Variants in HSD17B6 observed in about 807,000 individuals in gnomAD.
The protein encoded by HSD17B6 is hydroxysteroid 17-beta dehydrogenase 6.
HSD17B6 carries 16 observed loss-of-function variants against 26.4 expected under a neutral mutation model. That is an observed-to-expected ratio of 0.61 (90% confidence interval 0.41 to 0.92). HSD17B6 has a LOEUF of 0.92. Ranked by LOEUF, HSD17B6 falls within the 40% of genes least tolerant of loss-of-function variation. The probability of loss-of-function intolerance (pLI) is 0.00; values close to 1 mark genes in which losing one functional copy is unlikely to be tolerated. For missense variants in HSD17B6, 357 were observed against 386.1 expected (o/e 0.92, Z 0.63); for synonymous variants, 139 against 153.0 (o/e 0.91, Z 0.68).
intron 4 of HSD17B6, among the ~76,000 whole-genome samples, chr12:56,785,410 C>A (rs1478913172): frequency 6.6e-6 from 1 of 152,172 alleles, no homozygotes; most frequent in East Asian, 1.9e-4. Context: ...ATATCAGTAC[C>A]CTTGCATGAG....
chr12:56,768,881 T>G (rs543657919), intron 1 of HSD17B6, among the ~76,000 whole-genome samples: 87 of 152,028 alleles, frequency 5.7e-4, no homozygotes, highest in African/African-American at 1.8e-3. Flanking sequence ...ACATGGATGG[T>G]AAAGGCTTTG....
intron 2 of HSD17B6, among the ~76,000 whole-genome samples, chr12:56,777,679 TA>T (rs1195978752): frequency 3.9e-5 from 6 of 152,064 alleles, no homozygotes; most frequent in Admixed American, 3.9e-4. Context: ...GTAAATTTTT[TA>T]AAAAACAATT....
chr12:56,769,734 G>GT (rs1210892476), intron 1 of HSD17B6, among the ~76,000 whole-genome samples: 1 of 152,206 alleles, frequency 6.6e-6, no homozygotes, highest in Admixed American at 6.5e-5. Flanking sequence ...AAAACGTAAA[G>GT]TAATTGCACA....
At chr12:56,766,855 C>T (rs936983343) in intron 1 of HSD17B6, among the ~76,000 whole-genome samples, 5 of 152,054 alleles carry the variant, frequency 3.3e-5, no homozygotes, top group South Asian at 2.1e-4. Flanking sequence ...TGTAGGAGAA[C>T]GGGAGTAGAG....
intron 3 of HSD17B6, among the ~76,000 whole-genome samples, chr12:56,783,877 A>G (rs1353236390): frequency 6.6e-6 from 1 of 151,654 alleles, no homozygotes; most frequent in Non-Finnish European, 1.5e-5. Flanking sequence ...CTCACTTCCC[A>G]GACGGGGTGG....
chr12:56,783,808 G>A (rs1258612713), intron 3 of HSD17B6, among the ~76,000 whole-genome samples: 168 of 150,898 alleles, frequency 1.1e-3, no homozygotes, highest in African/African-American at 3.8e-3. Flanking sequence ...GCGGCTGGCC[G>A]GGCGGGGGCT....
At chr12:56,779,662 T>C (rs1181372375) in intron 2 of HSD17B6, among the ~76,000 whole-genome samples, 1 of 152,204 alleles carries the variant, frequency 6.6e-6, no homozygotes, top group Non-Finnish European at 1.5e-5. Flanking sequence ...TTTACCTTTC[T>C]CCTGAGTAAT....
At chr12:56,773,546 T>G (rs1228614401) in intron 1 of HSD17B6, among the ~76,000 whole-genome samples, 1 of 152,238 alleles carries the variant, frequency 6.6e-6, no homozygotes, top group Non-Finnish European at 1.5e-5. Flanking sequence ...CTTATCCTAT[T>G]TGGTAGGAAG....
In HSD17B6 at chr12:56,767,955, A is replaced by ATG. The variant is rs913690377; in HGVS notation, c.-20+4557_-20+4558dup. Among the ~76,000 whole-genome samples, 460 of 148,152 alleles carry ATG rather than the reference A, an allele frequency of 3.1e-3. 1 individual carries two copies. The highest frequency in any genetic ancestry group is 0.011 in the South Asian group (50 of 4,720). ...CACACACATATATATGTGTGAAACC[A>ATG]TGTGTGTGTGTGTGTGTATATTGTG... is the stretch of plus-strand genomic sequence containing the variant. On this transcript the variant is annotated intron_variant, in intron 1 of 4. Coordinates refer to ENST00000322165, the MANE Select transcript of HSD17B6 (RefSeq NM_003725.4).
intron 2 of HSD17B6, among the ~76,000 whole-genome samples, chr12:56,779,801 CTTT>C (rs34050360): frequency 1.5e-5 from 2 of 134,284 alleles, no homozygotes; most frequent in Non-Finnish European, 3.1e-5. Context: ...CTCTTTTTAC[CTTT>C]TTTTTTTTTT....
chr12:56,770,250 CT>C (rs1295341899), intron 1 of HSD17B6: 1 of 152,438 alleles, frequency 6.6e-6, no homozygotes, highest in African/African-American at 2.4e-5. Context: ...TCTCCTTCCA[CT>C]TTACTTGCCT....
Position 56,773,845 on chromosome 12 carries a change from C to T in HSD17B6, c.-8C>T. 1 of 1,528,378 alleles carries T rather than the reference C, an allele frequency of 6.5e-7. No individual in the cohort carries two copies. Among genetic ancestry groups the T allele is most frequent in the Non-Finnish European group, 8.8e-7 (1 of 1,137,418 alleles). 94.7% of individuals were successfully genotyped at this position (1,528,378 alleles called of 1,614,324 possible). ...CTTTCTATTGAAAGAGAAGGAAGCA[C>T]CCTCACTATGTGGCTCTACCTGGCG... On this transcript the variant is annotated 5_prime_UTR_variant, in exon 2 of 5. Transcript: ENST00000322165.
chr12:56,772,021 CT>C (rs1954484371), intron 1 of HSD17B6, among the ~76,000 whole-genome samples: 1 of 152,044 alleles, frequency 6.6e-6, no homozygotes, highest in Admixed American at 6.6e-5. Context: ...TTCCTGAGAC[CT>C]CCCCAGCCAT....
intron 1 of HSD17B6, among the ~76,000 whole-genome samples, chr12:56,770,767 T>TA (rs1023830049): frequency 7.2e-5 from 11 of 152,074 alleles, no homozygotes; most frequent in Non-Finnish European, 1.3e-4. Context: ...ATGGGGACAC[T>TA]AAGGAGGGTA....
intron 1 of HSD17B6, among the ~76,000 whole-genome samples, chr12:56,771,132 A>T (rs1321281106): frequency 6.6e-6 from 1 of 152,182 alleles, no homozygotes; most frequent in African/African-American, 2.4e-5. Flanking sequence ...GCTCAGGCTC[A>T]TGGGCCTGGC....
At chr12:56,786,891 A>T (rs1309098275) in intron 4 of HSD17B6, among the ~76,000 whole-genome samples, 1 of 152,146 alleles carries the variant, frequency 6.6e-6, no homozygotes, top group East Asian at 1.9e-4. Context: ...AAGAAAAATG[A>T]TTGAGTTTTA....
intron 4 of HSD17B6, 22 bp from the exon 5 acceptor site, chr12:56,787,103 C>T: frequency 1.3e-6 from 2 of 1,550,810 alleles, no homozygotes; most frequent in Non-Finnish European, 1.8e-6. Context: ...TTGTTGACCA[C>T]CATTTCTTTT....
At chr12:56,777,337 C>G (rs548286182) in intron 2 of HSD17B6, among the ~76,000 whole-genome samples, 1 of 152,136 alleles carries the variant, frequency 6.6e-6, no homozygotes, top group Non-Finnish European at 1.5e-5. Context: ...CTCAAGCCAA[C>G]CACTTGCCTT....
intron 2 of HSD17B6, among the ~76,000 whole-genome samples, chr12:56,778,962 A>C (rs1334780284): frequency 1.3e-5 from 2 of 152,056 alleles, no homozygotes; most frequent in African/African-American, 4.8e-5. Flanking sequence ...CGCGTGAGCC[A>C]CCGCGCCCGG....
Sources: allele counts gnomAD v4.1 joint callset (sites outside exome capture counted in the v4.1 genomes callset), GRCh38; gene constraint gnomAD v4.1.1; transcripts MANE v1.5; gene names NCBI Gene and HGNC (gene_info 2026-07-23, HGNC 2026-07-21).